PML: variants seen among roughly 807,000 people sequenced by gnomAD.
PML encodes the protein protein PML.
Under a neutral mutation model 65.2 loss-of-function variants are expected in PML, and 28 were observed. The observed-to-expected ratio is 0.43, with a 90% confidence interval of 0.32 to 0.59. PML has a LOEUF of 0.59. PML is among the 20% of genes least tolerant of loss of function. PML has a pLI of 0.08. For synonymous variants in PML, 500 were observed against 508.8 expected (o/e 0.98, Z 0.23); for missense variants, 1,021 against 1,203.4 (o/e 0.85, Z 2.24).
chr15:74,035,908 C>T lies in PML; in HGVS notation c.1710+1378C>T, dbSNP rs373658022. On this transcript the variant is annotated intron_variant, in intron 7 of 8. Coordinates refer to ENST00000268058, the MANE Select transcript of PML (RefSeq NM_033238.3). This position sits in a 1 kb window ranked among gnomAD's most constrained non-coding sequence, Gnocchi z 4.1. ...CCACCACCCTGTGCCCCAGAAAGGC[C>T]CCCCATCAGCCCAGTCCCAGGCGCC... The T allele has an allele frequency of 1.7e-5, 28 of 1,613,684 alleles. No individual in the cohort carries two copies. The highest frequency in any genetic ancestry group is 2.1e-5 in the Non-Finnish European group (25 of 1,180,030).
At chr15:74,016,279 A>G (rs1401848613) in intron 2 of PML, among the ~76,000 whole-genome samples, 2 of 151,988 alleles carry the variant, frequency 1.3e-5, no homozygotes, top group African/African-American at 4.8e-5. Flanking sequence ...CCATCTCAAA[A>G]TAAATAAATA....
intron 3 of PML, among the ~76,000 whole-genome samples, chr15:74,024,348 G>C (rs917743457): frequency 2.0e-5 from 3 of 152,206 alleles, no homozygotes; most frequent in Non-Finnish European, 4.4e-5. Flanking sequence ...CCTAGGTAGT[G>C]AATGTCACCC....
At chr15:74,018,745 C>T (rs2070707759) in intron 2 of PML, among the ~76,000 whole-genome samples, 1 of 152,082 alleles carries the variant, frequency 6.6e-6, no homozygotes, top group Non-Finnish European at 1.5e-5. Context: ...ATTTTTCTTT[C>T]TTAATTATTA....
chr15:74,033,026 C>T (rs987573587), intron 5 of PML, 130 bp from the exon 6 acceptor site: 8 of 948,350 alleles, frequency 8.4e-6, no homozygotes, highest in African/African-American at 3.2e-5. Flanking sequence ...ACGTAATCTG[C>T]GTGGTTGAGA....
intron 2 of PML, among the ~76,000 whole-genome samples, chr15:74,002,611 G>GT (rs34203409): frequency 0.5 from 64,769 of 128,650 alleles, 16,883 homozygotes; most frequent in Non-Finnish European, 0.59. Flanking sequence ...GCCCGGCTAA[G>GT]TTTTTTTTTT....
chr15:74,027,271 G>T (rs754055938), intron 4 of PML: 2 of 152,128 alleles, frequency 1.3e-5, no homozygotes, highest in Non-Finnish European at 2.9e-5. Context: ...AAATAATAAG[G>T]CCAGGTGTGG....
chr15:74,000,340 C>T (rs1029098258), intron 2 of PML, among the ~76,000 whole-genome samples: 4 of 150,696 alleles, frequency 2.7e-5, no homozygotes, highest in African/African-American at 9.8e-5. Flanking sequence ...GGGTCTTGCT[C>T]TGTCGCCCAG....
At position 74,044,292 on chromosome 15, in the gene PML, T is replaced by G. The variant is rs5742915; in HGVS notation, c.1933T>G (p.Phe645Val). The G allele has an allele frequency of 7.4e-6, 12 of 1,613,956 alleles. No individual in the cohort carries two copies. Among genetic ancestry groups the G allele is most frequent in the African/African-American group, 2.7e-5 (2 of 75,004 alleles). The change falls in exon 9 of 9, where the codon TTC (phenylalanine) becomes GTC (valine). Residue 645 changes from phenylalanine to valine, a missense_variant. Transcript: ENST00000268058. ...KFRVVIQPEA[F>V]FSIYSKAVSL... ...CCGCGTGGTCATCCAGCCTGAAGCC[T>G]TCTTCAGCATCTACTCCAAGGCCGT...
At position 74,035,203 on chromosome 15, in the gene PML, A is replaced by C; in HGVS notation, c.1710+673A>C. ...GAGCCCATGGAGACCGCCGAGCCACAGTCCTCGCCAGCCCACTCCTCGCCA... is the reference window on the plus strand; with the variant it reads ...GAGCCCATGGAGACCGCCGAGCCACCGTCCTCGCCAGCCCACTCCTCGCCA... On this transcript the variant is annotated intron_variant, in intron 7 of 8. Coordinates refer to ENST00000268058, the MANE Select transcript of PML (RefSeq NM_033238.3). This position sits in a 1 kb window ranked among gnomAD's most constrained non-coding sequence, Gnocchi z 4.1. 6.9e-7 allele frequency: 1 copy of C among 1,454,516 alleles called. No homozygotes were observed. The highest frequency in any genetic ancestry group is 9.7e-7 in the Non-Finnish European group (1 of 1,034,776). 90.1% of individuals were successfully genotyped at this position (1,454,516 alleles called of 1,614,324 possible).
Position 74,044,315 on chromosome 15 carries a change from C to T in PML, c.1956C>T (p.Ala652=), listed in dbSNP as rs61751122. 0.022 allele frequency: 34,867 copies of T among 1,614,120 alleles called. 579 individuals carry two copies. Among genetic ancestry groups the T allele is most frequent in the African/African-American group, 0.076 (5,737 of 75,028 alleles). ...CCTTCTTCAGCATCTACTCCAAGGC[C>T]GTGTCCCTGGAGGTGGGGCTGCAGC... ...PEAFFSIYSK[A]VSLEVGLQHF... Residue 652 remains alanine (A), a synonymous_variant, in exon 9 of 9, where the codon GCC becomes GCT. Transcript: ENST00000268058.
At chr15:74,003,159 C>T (rs574934275) in intron 2 of PML, among the ~76,000 whole-genome samples, 5 of 151,680 alleles carry the variant, frequency 3.3e-5, no homozygotes, top group African/African-American at 7.3e-5. Context: ...GTGGGCCAGG[C>T]GCAGTGGCTC....
In PML at chr15:74,045,609, T is replaced by C. The variant is rs1595924281; in HGVS notation, c.*601T>C. On this transcript the variant is annotated 3_prime_UTR_variant, in exon 9 of 9. Transcript: ENST00000268058. ...AAGACAGAAACTGATGTTCCATGCATGTCCCTGCTTCCAAAGCCTGACCTT... is the reference window on the plus strand; with the variant it reads ...AAGACAGAAACTGATGTTCCATGCACGTCCCTGCTTCCAAAGCCTGACCTT... 1 of 233,882 alleles carries C rather than the reference T, an allele frequency of 4.3e-6. No individual in the cohort carries two copies. Among genetic ancestry groups the C allele is most frequent in the Middle Eastern group, 1.3e-3 (1 of 788 alleles). The allele number at this position is 233,882 out of a possible 1,614,324, so 14.5% of individuals were successfully genotyped here. A position where few individuals can be genotyped will look rare whatever the true frequency, so the allele number is the denominator to read the frequency against.
At chr15:73,995,039 A>G in intron 1 of PML, 98 bp downstream of exon 1, 1 of 1,158,988 alleles carries the variant, frequency 8.6e-7, no homozygotes. Flanking sequence ...TTGGTCAAGT[A>G]CCCTAGAGAG....
At chr15:74,036,290 C>T in intron 7 of PML, 1 of 1,464,466 alleles carries the variant, frequency 6.8e-7, no homozygotes. Context: ...CCACCCCAAG[C>T]CTCTCCACTA....
In PML at chr15:74,042,877, C is replaced by T. The variant is rs770994005; in HGVS notation, c.1711-112C>T. On this transcript the variant is annotated intron_variant, in intron 7 of 8. Coordinates refer to ENST00000268058, the MANE Select transcript of PML (RefSeq NM_033238.3). This position sits in a 1 kb window ranked among gnomAD's most constrained non-coding sequence, Gnocchi z 5.3. ...ACACGTCCCCTTTCCCAGTGGTACA[C>T]CCTCCTTCATGTGCACGCAGATGCT... The T allele has an allele frequency of 2.6e-6, 4 of 1,519,216 alleles. No homozygotes were observed. Among genetic ancestry groups the T allele is most frequent in the Non-Finnish European group, 3.6e-6 (4 of 1,108,562 alleles). 94.1% of individuals were successfully genotyped at this position (1,519,216 alleles called of 1,614,324 possible).
rs2070846567 is a variant in PML at position 74,021,752 on chromosome 15, A to G, written c.603-1076A>G. ...GGCACCAAAAGAAAAAAAAAAGGAA[A>G]GGAAAACGAAAGAAAGAAAATGCAC... On this transcript the variant is annotated intron_variant, in intron 2 of 8. Transcript: ENST00000268058. 2.0e-5 allele frequency among the ~76,000 whole-genome samples: 3 copies of G among 152,250 alleles called. No individual in the cohort carries two copies. The South Asian group carries it at 6.2e-4, about 32-fold the overall frequency.
chr15:74,011,851 G>T (rs2070347329), intron 2 of PML, among the ~76,000 whole-genome samples: 1 of 152,200 alleles, frequency 6.6e-6, no homozygotes, highest in Non-Finnish European at 1.5e-5. Flanking sequence ...GCCGGGGCCA[G>T]AACAGGATGC....
rs562541290 is a variant in PML, at chr15:74,006,063, C to T, written c.602+7587C>T. Among the ~76,000 whole-genome samples, 3 of 152,088 alleles carry T rather than the reference C, an allele frequency of 2.0e-5. No homozygotes were observed. The South Asian group carries it at 6.2e-4, about 32-fold the overall frequency. ...ACCCATTTTAGATGTCCAGCTAGGT[C>T]CCTGTAAATTAGACTAACAAGATAT... On this transcript the variant is annotated intron_variant, in intron 2 of 8. Coordinates refer to ENST00000268058, the MANE Select transcript of PML (RefSeq NM_033238.3).
intron 2 of PML, among the ~76,000 whole-genome samples, chr15:74,001,341 T>C (rs2069749637): frequency 6.9e-6 from 1 of 145,060 alleles, no homozygotes; most frequent in Admixed American, 6.8e-5. Flanking sequence ...TATTGTTTAA[T>C]AATAATAACT....
Sources: allele counts gnomAD v4.1 joint callset (sites outside exome capture counted in the v4.1 genomes callset), GRCh38; gene constraint gnomAD v4.1.1; non-coding constraint Gnocchi (gnomAD v3.1); transcripts MANE v1.5; gene names NCBI Gene and HGNC (gene_info 2026-07-23, HGNC 2026-07-21).